Variants in STXBP5L observed in about 807,000 individuals in gnomAD.
The protein encoded by STXBP5L is syntaxin binding protein 5L.
In STXBP5L, 65 loss-of-function variants were observed where a neutral mutation model predicts 144.5. The observed-to-expected ratio is 0.45, with a 90% CI of 0.37 to 0.55. The LOEUF (loss-of-function observed/expected upper bound fraction) is 0.55, where lower values mean the gene tolerates loss of function less well. Among genes scored for constraint, STXBP5L ranks in the 20% least tolerant of loss-of-function variants. The probability of loss-of-function intolerance (pLI) is 0.00; values close to 1 mark genes in which losing one functional copy is unlikely to be tolerated. For missense variants in STXBP5L, 1,298 were observed against 1,405.5 expected, an observed-to-expected ratio of 0.92 and a Z score of 1.22; for synonymous variants, 505 against 469.6, an observed-to-expected ratio of 1.08 and a Z score of -0.97.
Position 121,387,859 on chromosome 3 carries a change from T to G in STXBP5L, c.2587+6327T>G, listed in dbSNP as rs559259379. On this transcript the variant is annotated intron_variant, in intron 22 of 26. Transcript: ENST00000471454. ...TTGATGCCTCCAGCTTTGTTCTTTT[T>G]GCTTAGGATTGTCTTGGCGATGCAG... is the stretch of plus-strand genomic sequence containing the variant. Among the ~76,000 whole-genome samples, 220 of 152,290 alleles carry G rather than the reference T, an allele frequency of 1.4e-3. 1 individual carries two copies. Among genetic ancestry groups the G allele is most frequent in the Middle Eastern group, 3.4e-3 (1 of 294 alleles).
intron 20 of STXBP5L, among the ~76,000 whole-genome samples, chr3:121,322,476 CAAAAA>C (rs5852266): frequency 7.8e-6 from 1 of 128,480 alleles, no homozygotes; most frequent in Non-Finnish European, 1.6e-5. Context: ...GAAACTGTGC[CAAAAA>C]AAAAAAAAAA....
intron 11 of STXBP5L, among the ~76,000 whole-genome samples, chr3:121,230,082 A>G (rs2049254952): frequency 6.6e-6 from 1 of 152,212 alleles, no homozygotes; most frequent in Non-Finnish European, 1.5e-5. Flanking sequence ...ATAAAAATTT[A>G]TAGCTATTTA....
At chr3:121,154,439 C>T (rs1242533955) in intron 8 of STXBP5L, among the ~76,000 whole-genome samples, 1 of 151,718 alleles carries the variant, frequency 6.6e-6, no homozygotes, top group Non-Finnish European at 1.5e-5. Context: ...CTCACTAAAC[C>T]TGTGGCTTTA....
rs57288480 is a variant in STXBP5L, at chr3:121,367,595, G to GTTTTTTT, written c.2177-11100_2177-11094dup. 5.6e-4 allele frequency among the ~76,000 whole-genome samples: 29 copies of GTTTTTTT among 51,358 alleles called. 2 individuals carry two copies. The highest frequency in any genetic ancestry group is 1.8e-3 in the African/African-American group (23 of 12,802). The allele number at this position is 51,358 out of a possible 152,430, so 33.7% of individuals were successfully genotyped here. On this transcript the variant is annotated intron_variant, in intron 20 of 26. Transcript: ENST00000471454. Reference sequence around the variant, plus strand: ...GGTTCTCTCTTTGTCTTCGACTCTTGTTTTTTTTTTTTTTTTTTTTTTTTT... The same window carrying GTTTTTTT: ...GGTTCTCTCTTTGTCTTCGACTCTTGTTTTTTTTTTTTTTTTTTTTTTTTTTTTTTTT...
chr3:121,259,297 A>G, intron 18 of STXBP5L, 129 bp downstream of exon 18: 2 of 632,420 alleles, frequency 3.2e-6, no homozygotes, highest in Non-Finnish European at 4.5e-6. Context: ...TAAACAATAT[A>G]TAAGAAAAAT....
At chr3:121,122,643 G>C (rs2044517895) in intron 7 of STXBP5L, among the ~76,000 whole-genome samples, 1 of 151,406 alleles carries the variant, frequency 6.6e-6, no homozygotes, top group Non-Finnish European at 1.5e-5. Context: ...AAATGGTACT[G>C]GATAATTGGT....
intron 2 of STXBP5L, among the ~76,000 whole-genome samples, chr3:120,927,861 C>T (rs1709718722): frequency 6.6e-6 from 1 of 152,070 alleles, no homozygotes; most frequent in African/African-American, 2.4e-5. Flanking sequence ...CAATTTCTGT[C>T]TTCATACAAA....
chr3:121,207,105 A>G (rs1166966410), intron 10 of STXBP5L, among the ~76,000 whole-genome samples: 1 of 152,182 alleles, frequency 6.6e-6, no homozygotes, highest in Non-Finnish European at 1.5e-5. Flanking sequence ...ATATATAGAT[A>G]TCTCTTTAGC....
chr3:121,085,364 A>G (rs981950600), intron 5 of STXBP5L, among the ~76,000 whole-genome samples: 2 of 152,076 alleles, frequency 1.3e-5, no homozygotes, highest in African/African-American at 4.8e-5. Flanking sequence ...ACAAATAGAA[A>G]GAGAGGAAGT....
At chr3:121,046,744 C>CT (rs1947543151) in intron 5 of STXBP5L, among the ~76,000 whole-genome samples, 1 of 151,970 alleles carries the variant, frequency 6.6e-6, no homozygotes, top group African/African-American at 2.4e-5. Context: ...TGGATCTTCT[C>CT]TCTTTTTCTC....
intron 19 of STXBP5L, among the ~76,000 whole-genome samples, chr3:121,300,489 G>A (rs769429710): frequency 1.3e-4 from 20 of 152,064 alleles, no homozygotes; most frequent in Non-Finnish European, 2.8e-4. Flanking sequence ...GTAACACAAA[G>A]TATTGAAGAG....
chr3:121,266,347 C>T (rs2050565738), intron 18 of STXBP5L, among the ~76,000 whole-genome samples: 1 of 152,146 alleles, frequency 6.6e-6, no homozygotes, highest in Non-Finnish European at 1.5e-5. Flanking sequence ...TAAACGTAAT[C>T]CATCACATAA....
intron 9 of STXBP5L, among the ~76,000 whole-genome samples, chr3:121,159,931 C>T (rs1208505386): frequency 3.3e-5 from 5 of 152,038 alleles, no homozygotes; most frequent in Non-Finnish European, 5.9e-5. Context: ...CGCGCCCGGC[C>T]GACATTTTCT....
intron 9 of STXBP5L, among the ~76,000 whole-genome samples, chr3:121,181,073 C>T (rs991207452): frequency 6.9e-6 from 1 of 144,682 alleles, no homozygotes; most frequent in East Asian, 2.1e-4. Context: ...GCACTCCAGC[C>T]TGGGCAACAA....
At chr3:121,414,308 G>T (rs1243388905) in intron 24 of STXBP5L, among the ~76,000 whole-genome samples, 1 of 152,122 alleles carries the variant, frequency 6.6e-6, no homozygotes, top group Non-Finnish European at 1.5e-5. Flanking sequence ...CAGTACTGGG[G>T]AGACATATAA....
intron 3 of STXBP5L, among the ~76,000 whole-genome samples, chr3:121,000,563 A>T (rs1247883577): frequency 6.6e-6 from 1 of 152,188 alleles, no homozygotes; most frequent in Non-Finnish European, 1.5e-5. Flanking sequence ...CTTCCTCCTG[A>T]ATCTTGATGA....
At chr3:121,073,223 G>T (rs185818703) in intron 5 of STXBP5L, among the ~76,000 whole-genome samples, 1 of 152,146 alleles carries the variant, frequency 6.6e-6, no homozygotes, top group Non-Finnish European at 1.5e-5. Flanking sequence ...GGGGCTTTCC[G>T]TGCTCCACCC....
In STXBP5L at chr3:121,267,687, C is replaced by T. The variant is rs1481508696; in HGVS notation, c.1958+8519C>T. Among the ~76,000 whole-genome samples the T allele has an allele frequency of 3.3e-5, 5 of 152,176 alleles. No individual in the cohort carries two copies. The East Asian group carries it at 9.6e-4, about 29-fold the overall frequency. ...CTGACAAAGGTCTAATATCTAGAAT[C>T]TACAAAGAACTTTAACAAATTTACA... On this transcript the variant is annotated intron_variant, in intron 18 of 26. Coordinates refer to ENST00000471454, the MANE Select transcript of STXBP5L (RefSeq NM_001308330.2).
chr3:121,342,578 T>C (rs561112084), intron 20 of STXBP5L, among the ~76,000 whole-genome samples: 65 of 147,896 alleles, frequency 4.4e-4, no homozygotes, highest in African/African-American at 1.5e-3. Flanking sequence ...ATTCCACCTA[T>C]GAGTGAGAAT....
Sources: allele counts gnomAD v4.1 joint callset (sites outside exome capture counted in the v4.1 genomes callset), GRCh38; gene constraint gnomAD v4.1.1; transcripts MANE v1.5; gene names NCBI Gene and HGNC (gene_info 2026-07-23, HGNC 2026-07-21).